The following IPCEF1 variants were observed in gnomAD, a reference collection of about 807,000 sequenced individuals.
IPCEF1 encodes the protein interactor protein for cytohesin exchange factors 1.
Under a neutral mutation model 50.9 loss-of-function variants are expected in IPCEF1, and 31 were observed. The observed-to-expected ratio is 0.61, with a 90% confidence interval of 0.46 to 0.82. The LOEUF is 0.82. IPCEF1 is among the 40% of genes least tolerant of loss of function. The probability of loss-of-function intolerance (pLI) is 0.00; values close to 1 mark genes in which losing one functional copy is unlikely to be tolerated. For synonymous variants in IPCEF1, 181 were observed against 192.0 expected (o/e 0.94, Z 0.47); for missense variants, 458 against 514.0 (o/e 0.89, Z 1.05).
chr6:154,197,909 A>T (rs1776748202), intron 10 of IPCEF1, among the ~76,000 whole-genome samples: 1 of 152,172 alleles, frequency 6.6e-6, no homozygotes, highest in Non-Finnish European at 1.5e-5. Context: ...AAAATAATAG[A>T]TGTAGTACTT....
intron 3 of IPCEF1, among the ~76,000 whole-genome samples, chr6:154,265,584 T>G (rs1217839991): frequency 1.3e-5 from 2 of 152,282 alleles, no homozygotes; most frequent in East Asian, 3.9e-4. Context: ...CAGCCCTATT[T>G]CAGTGAAATT....
intron 2 of IPCEF1, among the ~76,000 whole-genome samples, chr6:154,280,083 T>C (rs1782168745): frequency 6.6e-6 from 1 of 152,166 alleles, no homozygotes; most frequent in Non-Finnish European, 1.5e-5. Flanking sequence ...GTAGAACCAG[T>C]GAAAACTCAA....
chr6:154,177,803 G>A (rs1357632189), intron 10 of IPCEF1, among the ~76,000 whole-genome samples: 1 of 152,148 alleles, frequency 6.6e-6, no homozygotes, highest in Non-Finnish European at 1.5e-5. Context: ...ATATCCAAAG[G>A]ATTATAAATC....
At chr6:154,212,183 A>G (rs1389685367) in intron 9 of IPCEF1, among the ~76,000 whole-genome samples, 1 of 152,216 alleles carries the variant, frequency 6.6e-6, no homozygotes, top group East Asian at 1.9e-4. Flanking sequence ...GAGCATCTAA[A>G]TATGAAGCTA....
At chr6:154,338,760 A>G (rs1270630409) in intron 1 of IPCEF1, among the ~76,000 whole-genome samples, 1 of 152,112 alleles carries the variant, frequency 6.6e-6, no homozygotes, top group Non-Finnish European at 1.5e-5. Flanking sequence ...GTCTCCAAAA[A>G]ACATACAAAA....
intron 1 of IPCEF1, among the ~76,000 whole-genome samples, chr6:154,331,366 GA>G (rs1783656610): frequency 9.5e-6 from 1 of 105,020 alleles, no homozygotes; most frequent in African/African-American, 3.8e-5. Context: ...GAGAAAGAAA[GA>G]AAGGAAAGAA....
At chr6:154,163,244 A>G (rs1376515097) in intron 11 of IPCEF1, among the ~76,000 whole-genome samples, 2 of 152,016 alleles carry the variant, frequency 1.3e-5, no homozygotes, top group Admixed American at 1.3e-4. Context: ...TCCCCACTAC[A>G]TTACAGCTAC....
At chr6:154,221,846 T>C (rs1037015603) in intron 6 of IPCEF1, among the ~76,000 whole-genome samples, 1 of 152,118 alleles carries the variant, frequency 6.6e-6, no homozygotes, top group Non-Finnish European at 1.5e-5. Flanking sequence ...TGCACTCCAG[T>C]CTGGGTGACA....
chr6:154,175,193 A>G (rs1800210143), intron 10 of IPCEF1, among the ~76,000 whole-genome samples: 1 of 152,262 alleles, frequency 6.6e-6, no homozygotes, highest in Non-Finnish European at 1.5e-5. Context: ...GGAAATTTAC[A>G]GCACTAAATG....
chr6:154,236,536 T>C (rs1198987313), intron 5 of IPCEF1, among the ~76,000 whole-genome samples: 1 of 152,206 alleles, frequency 6.6e-6, no homozygotes, highest in Non-Finnish European at 1.5e-5. Flanking sequence ...TAAAAATGGC[T>C]AAGATGGTAA....
At chr6:154,194,732 C>T (rs372910944) in intron 10 of IPCEF1, among the ~76,000 whole-genome samples, 1 of 152,168 alleles carries the variant, frequency 6.6e-6, no homozygotes, top group African/African-American at 2.4e-5. Flanking sequence ...GAATGGCCTA[C>T]TTAAATCACA....
At chr6:154,247,145 A>G (rs912790481) in intron 4 of IPCEF1, 25 of 426,272 alleles carry the variant, frequency 5.9e-5, no homozygotes, top group Non-Finnish European at 8.0e-5. Flanking sequence ...CCTCTCAACA[A>G]TAACAGCCGT....
chr6:154,306,073 A>G (rs1195525057), intron 1 of IPCEF1, among the ~76,000 whole-genome samples: 2 of 152,190 alleles, frequency 1.3e-5, no homozygotes, highest in Non-Finnish European at 2.9e-5. Context: ...ATAGACATAT[A>G]TCTTATTAGC....
At chr6:154,213,011 G>A (rs368118644) in intron 8 of IPCEF1, 156 bp from the exon 9 acceptor site, 69 of 615,988 alleles carry the variant, frequency 1.1e-4, no homozygotes, top group East Asian at 1.1e-3. Context: ...TGGTGCAAAG[G>A]AATTACATAA....
intron 10 of IPCEF1, among the ~76,000 whole-genome samples, chr6:154,176,818 T>C (rs1159444841): frequency 6.6e-6 from 1 of 151,294 alleles, no homozygotes; most frequent in East Asian, 1.9e-4. Flanking sequence ...ACTTTAAATT[T>C]CATATGAAAC....
intron 1 of IPCEF1, among the ~76,000 whole-genome samples, chr6:154,336,523 T>C (rs1407876841): frequency 1.3e-5 from 2 of 152,074 alleles, no homozygotes; most frequent in East Asian, 3.8e-4. Context: ...GGGAAGGGTA[T>C]GTGTGTTGGG....
chr6:154,304,635 C>A (rs979536912), intron 1 of IPCEF1, among the ~76,000 whole-genome samples: 1 of 152,112 alleles, frequency 6.6e-6, no homozygotes, highest in Admixed American at 6.6e-5. Context: ...AGCCAGAGAT[C>A]CTGAAAAGCA....
intron 5 of IPCEF1, among the ~76,000 whole-genome samples, chr6:154,223,460 G>A (rs1323940053): frequency 1.3e-5 from 2 of 152,174 alleles, no homozygotes; most frequent in Non-Finnish European, 2.9e-5. Flanking sequence ...TCCAAGAGAA[G>A]TGGCATGACA....
At chr6:154,347,925 C>A (rs1229140336) in intron 1 of IPCEF1, among the ~76,000 whole-genome samples, 1 of 152,102 alleles carries the variant, frequency 6.6e-6, no homozygotes, top group African/African-American at 2.4e-5. Context: ...AAAGAGGATG[C>A]AATGCCCGGT....
Sources: gnomAD v4.1 joint callset for allele counts (sites outside exome capture counted in the v4.1 genomes callset) on GRCh38, gnomAD v4.1.1 for gene constraint, MANE v1.5 for transcripts, NCBI Gene and HGNC (gene_info 2026-07-23, HGNC 2026-07-21) for gene names.